The following SGPP2 variants were observed in gnomAD, a reference collection of about 807,000 sequenced individuals.
SGPP2 encodes the protein sphingosine-1-phosphate phosphatase 2.
SGPP2 carries 30 observed loss-of-function variants against 33.9 expected under a neutral mutation model. That is an observed-to-expected ratio of 0.89 (90% CI 0.66 to 1.20). SGPP2 has a LOEUF of 1.20. SGPP2 is among the 50% of genes most tolerant of loss of function. SGPP2 has a pLI of 0.00. For synonymous variants in SGPP2, 233 were observed against 225.0 expected, an observed-to-expected ratio of 1.04 and a Z score of -0.32; for missense variants, 458 against 532.1, an observed-to-expected ratio of 0.86 and a Z score of 1.37.
rs549663936 is a variant in SGPP2, at chr2:222,468,250, G to A, written c.220-6318G>A. Among the ~76,000 whole-genome samples the A allele has an allele frequency of 2.0e-4, 30 of 152,186 alleles. No individual in the cohort carries two copies. The South Asian group carries it at 5.6e-3, about 28-fold the overall frequency. ...GCAGGGCGGGGAGCGGCTGGCCTGGGATAGAGGTTTGGTGGACCCTACTTC... is the reference window on the plus strand; with the variant it reads ...GCAGGGCGGGGAGCGGCTGGCCTGGAATAGAGGTTTGGTGGACCCTACTTC... On this transcript the variant is annotated intron_variant, in intron 1 of 4. Transcript: ENST00000321276.
chr2:222,558,605 C>A lies in SGPP2; in HGVS notation c.907C>A (p.Pro303Thr). The change falls in exon 5 of 5, where the codon CCC (proline) becomes ACC (threonine). Residue 303 changes from proline (P) to threonine (T), a missense_variant. Pro to Thr is a conservative substitution (Grantham distance 38). Coordinates refer to ENST00000321276, the MANE Select transcript of SGPP2 (RefSeq NM_152386.4). ...INHFFQLVSKPAESLPVIQNI... is the reference protein window; with the variant it reads ...INHFFQLVSKTAESLPVIQNI... ...CCATTTCTTCCAGCTTGTATCCAAGCCCGCTGAATCTCTCCCTGTTATTCA... is the reference window on the plus strand; with the variant it reads ...CCATTTCTTCCAGCTTGTATCCAAGACCGCTGAATCTCTCCCTGTTATTCA... 1.2e-6 allele frequency: 2 copies of A among 1,614,188 alleles called. No homozygotes were observed. The highest frequency in any genetic ancestry group is 1.7e-6 in the Non-Finnish European group (2 of 1,180,032).
At chr2:222,441,447 C>T (rs1293032739) in intron 1 of SGPP2, among the ~76,000 whole-genome samples, 1 of 152,096 alleles carries the variant, frequency 6.6e-6, no homozygotes, top group Non-Finnish European at 1.5e-5. Context: ...CATGGAAACA[C>T]ATTCATGATC....
intron 1 of SGPP2, among the ~76,000 whole-genome samples, chr2:222,427,236 G>A (rs923107047): frequency 6.6e-6 from 1 of 152,148 alleles, no homozygotes; most frequent in African/African-American, 2.4e-5. Flanking sequence ...ATACATGCAT[G>A]TAGATTGCAA....
chr2:222,522,536 T>C (rs1299024488), intron 3 of SGPP2, among the ~76,000 whole-genome samples: 1 of 152,270 alleles, frequency 6.6e-6, no homozygotes, highest in Non-Finnish European at 1.5e-5. Flanking sequence ...AATATCTGCT[T>C]AAATGCCAAT....
chr2:222,515,515 G>T (rs544185999), intron 2 of SGPP2, among the ~76,000 whole-genome samples: 3 of 152,028 alleles, frequency 2.0e-5, no homozygotes, highest in South Asian at 4.2e-4. Context: ...TTTTAGTAGA[G>T]ACGGGGTTTC....
intron 4 of SGPP2, among the ~76,000 whole-genome samples, chr2:222,526,388 A>C (rs1375576018): frequency 6.6e-6 from 1 of 152,182 alleles, no homozygotes; most frequent in Non-Finnish European, 1.5e-5. Flanking sequence ...TTACCTCCCA[A>C]GGCACGTCCT....
intron 1 of SGPP2, among the ~76,000 whole-genome samples, chr2:222,458,079 C>T (rs921086033): frequency 4.6e-5 from 7 of 152,086 alleles, no homozygotes; most frequent in African/African-American, 1.7e-4. Context: ...GTGATGGGGT[C>T]TTGCTGTGTG....
chr2:222,486,595 C>T (rs1698112885), intron 2 of SGPP2, among the ~76,000 whole-genome samples: 1 of 152,164 alleles, frequency 6.6e-6, no homozygotes, highest in South Asian at 2.1e-4. Context: ...CCATCATTTA[C>T]AGGTCCTGAC....
At chr2:222,475,136 C>T (rs775853395) in intron 2 of SGPP2, among the ~76,000 whole-genome samples, 24 of 152,138 alleles carry the variant, frequency 1.6e-4, no homozygotes, top group Middle Eastern at 6.8e-3. Flanking sequence ...CCAAGGTGGG[C>T]GGATCACCTG....
intron 1 of SGPP2, among the ~76,000 whole-genome samples, chr2:222,459,821 A>G (rs1697632239): frequency 6.6e-6 from 1 of 152,150 alleles, no homozygotes; most frequent in South Asian, 2.1e-4. Context: ...AAACTGAGAT[A>G]CTGCAGGTTG....
chr2:222,425,204 C>T (rs1289276105), intron 1 of SGPP2, among the ~76,000 whole-genome samples: 1 of 152,128 alleles, frequency 6.6e-6, no homozygotes, highest in Non-Finnish European at 1.5e-5. Flanking sequence ...CCCCCACCCC[C>T]GTATTCTTGC....
intron 4 of SGPP2, among the ~76,000 whole-genome samples, chr2:222,546,212 T>G (rs1239760323): frequency 6.6e-6 from 1 of 152,200 alleles, no homozygotes; most frequent in Non-Finnish European, 1.5e-5. Flanking sequence ...TGCATAAAAT[T>G]AATTCATGTG....
chr2:222,454,772 C>T (rs1264495403), intron 1 of SGPP2, among the ~76,000 whole-genome samples: 1 of 151,646 alleles, frequency 6.6e-6, no homozygotes, highest in Non-Finnish European at 1.5e-5. Context: ...GAACCTCACT[C>T]CAGATCTAGT....
At position 222,476,710 on chromosome 2, in the gene SGPP2, G is replaced by GTA. The variant is rs1175236516; in HGVS notation, c.378+1992_378+1993dup. Among the ~76,000 whole-genome samples the GTA allele has an allele frequency of 3.3e-5, 5 of 151,218 alleles. No individual in the cohort carries two copies. Among genetic ancestry groups the GTA allele is most frequent in the Admixed American group, 2.6e-4 (4 of 15,226 alleles). The stretch of plus-strand genomic sequence containing the variant: ...GTGTGTGCGTGTGTAAGGTATAACT[G>GTA]TATATATATGTATGTGTGTATATAG... On this transcript the variant is annotated intron_variant, in intron 2 of 4. Coordinates refer to ENST00000321276, the MANE Select transcript of SGPP2 (RefSeq NM_152386.4). The surrounding 1 kb of genome is among the most constrained non-coding windows in gnomAD (Gnocchi z 4.3).
At chr2:222,431,542 G>C (rs947586189) in intron 1 of SGPP2, among the ~76,000 whole-genome samples, 1 of 152,030 alleles carries the variant, frequency 6.6e-6, no homozygotes, top group Non-Finnish European at 1.5e-5. Flanking sequence ...TTACAAGGTG[G>C]GGGTAATTGA....
chr2:222,448,133 TG>T (rs1697424517), intron 1 of SGPP2, among the ~76,000 whole-genome samples: 2 of 152,084 alleles, frequency 1.3e-5, no homozygotes, highest in Non-Finnish European at 2.9e-5. Context: ...AGCTGGGAAT[TG>T]GGGAAACATT....
intron 2 of SGPP2, among the ~76,000 whole-genome samples, chr2:222,497,940 G>A (rs1698306680): frequency 6.6e-6 from 1 of 152,158 alleles, no homozygotes; most frequent in Non-Finnish European, 1.5e-5. Context: ...GGGGGAGAGA[G>A]TCCCAGGCCA....
In SGPP2 at chr2:222,560,357, C is replaced by CCCA. The variant is rs1689514622; in HGVS notation, c.*1462_*1464dup. ...TAGAATCAGGCGCCCTTTTTGTCTT[C>CCCA]CCACCTCTTATCTCTTGGCAATTTT... On this transcript the variant is annotated 3_prime_UTR_variant, in exon 5 of 5. Coordinates refer to ENST00000321276, the MANE Select transcript of SGPP2 (RefSeq NM_152386.4). 6.6e-6 allele frequency: 1 copy of CCCA among 152,166 alleles called. No homozygotes were observed. Among genetic ancestry groups the CCCA allele is most frequent in the South Asian group, 2.1e-4 (1 of 4,824 alleles). 9.4% of individuals were successfully genotyped at this position (152,166 alleles called of 1,614,324 possible).
chr2:222,440,366 C>T (rs1371380652), intron 1 of SGPP2, among the ~76,000 whole-genome samples: 3 of 149,726 alleles, frequency 2.0e-5, no homozygotes, highest in Non-Finnish European at 4.4e-5. Context: ...TTTTTTGAGA[C>T]GGAATCTCAT....
Sources: gnomAD v4.1 joint callset for allele counts (sites outside exome capture counted in the v4.1 genomes callset) on GRCh38, gnomAD v4.1.1 for gene constraint, Gnocchi (gnomAD v3.1) non-coding constraint, MANE v1.5 for transcripts, NCBI Gene and HGNC (gene_info 2026-07-23, HGNC 2026-07-21) for gene names.